LEPR: variants seen among roughly 807,000 people sequenced by gnomAD.
LEPR encodes leptin receptor.
A neutral mutation model predicts 114.7 loss-of-function variants in LEPR; 56 were observed. The observed-to-expected ratio is 0.49, with a 90% CI of 0.39 to 0.61. LEPR has a LOEUF of 0.61. Among genes scored for constraint, LEPR ranks in the 20% least tolerant of loss-of-function variants. LEPR has a pLI of 0.00. For missense variants in LEPR, 1,202 were observed against 1,352.9 expected (o/e 0.89, Z 1.75); for synonymous variants, 443 against 461.4 (o/e 0.96, Z 0.51).
At chr1:65,432,895 C>A in intron 2 of LEPR, 1 of 869,206 alleles carries the variant, frequency 1.2e-6, no homozygotes, top group Non-Finnish European at 1.4e-6. Context: ...ATCATAAAAC[C>A]GTATTGTACC....
At chr1:65,603,018 C>T (rs1656546736) in intron 10 of LEPR, among the ~76,000 whole-genome samples, 1 of 152,108 alleles carries the variant, frequency 6.6e-6, no homozygotes, top group Non-Finnish European at 1.5e-5. Flanking sequence ...CCTTGTTTCT[C>T]TTATTAACAT....
intron 19 of LEPR, chr1:65,626,220 G>A (rs1446782450): frequency 1.3e-6 from 2 of 1,582,918 alleles, no homozygotes; most frequent in East Asian, 4.5e-5. Flanking sequence ...TGCTCTCCCT[G>A]AGGTGTGCAC....
chr1:65,472,723 G>C (rs949414171), intron 2 of LEPR, among the ~76,000 whole-genome samples: 19 of 152,078 alleles, frequency 1.2e-4, no homozygotes, highest in African/African-American at 4.1e-4. Context: ...TACATGAAGA[G>C]TGTGCACCAA....
intron 2 of LEPR, among the ~76,000 whole-genome samples, chr1:65,528,048 T>C (rs1335480000): frequency 6.6e-6 from 1 of 151,854 alleles, no homozygotes; most frequent in Non-Finnish European, 1.5e-5. Flanking sequence ...AGCAATTTAC[T>C]GAGAAAAAAG....
chr1:65,434,518 G>C, intron 2 of LEPR: 1 of 985,092 alleles, frequency 1.0e-6, no homozygotes, highest in Non-Finnish European at 1.2e-6. Flanking sequence ...TGGTGATTGA[G>C]TTCCCAGGCC....
At chr1:65,535,376 A>AT (rs1289678549) in intron 2 of LEPR, among the ~76,000 whole-genome samples, 2 of 150,636 alleles carry the variant, frequency 1.3e-5, no homozygotes, top group Non-Finnish European at 3.0e-5. Context: ...GGGAGAAAAT[A>AT]TTTTTTTAAG....
In LEPR at chr1:65,615,997, AT is replaced by A; in HGVS notation, c.1996-8del. 6.2e-7 allele frequency: 1 copy of A among 1,614,036 alleles called. No homozygotes were observed. Among genetic ancestry groups the A allele is most frequent in the Non-Finnish European group, 8.5e-7 (1 of 1,179,958 alleles). ...AGCCCTTAAACTAATCAATTTCTAT[AT>A]TTACTACAGCCCCTGATGAAAAATG... On this transcript the variant is annotated splice_polypyrimidine_tract_variant and intron_variant, in intron 14 of 19. Coordinates refer to ENST00000349533, the MANE Select transcript of LEPR (RefSeq NM_002303.6).
intron 2 of LEPR, among the ~76,000 whole-genome samples, chr1:65,535,808 C>G (rs557465819): frequency 1.3e-5 from 2 of 152,192 alleles, no homozygotes; most frequent in East Asian, 3.9e-4. Flanking sequence ...TACCGATGCT[C>G]TTTGGCTGAT....
chr1:65,591,447 A>G (rs766949204), intron 5 of LEPR, among the ~76,000 whole-genome samples: 7 of 152,086 alleles, frequency 4.6e-5, no homozygotes, highest in South Asian at 2.1e-4. Flanking sequence ...ATTGTGGATT[A>G]GTCTATTTCT....
chr1:65,433,928 CA>C, intron 2 of LEPR: 2 of 984,906 alleles, frequency 2.0e-6, no homozygotes, highest in Non-Finnish European at 2.4e-6. Flanking sequence ...AGAACAGTAG[CA>C]ATAAGTTTTA....
chr1:65,456,099 CT>C (rs1646870664), intron 2 of LEPR, among the ~76,000 whole-genome samples: 1 of 152,200 alleles, frequency 6.6e-6, no homozygotes, highest in Admixed American at 6.5e-5. Flanking sequence ...TCCCTGACCC[CT>C]TGCGCTTCCC....
Position 65,637,088 on chromosome 1 carries a change from G to A in LEPR, c.*73G>A. 1 of 1,477,164 alleles carries A rather than the reference G, an allele frequency of 6.8e-7. No homozygotes were observed. 91.5% of individuals were successfully genotyped at this position (1,477,164 alleles called of 1,614,324 possible). ...GTGTAATAGATTATAGTTGTGGGTG[G>A]GAGAGAGAAAAGAAACCAGAGTCAA... On this transcript the variant is annotated 3_prime_UTR_variant, in exon 20 of 20. Transcript: ENST00000349533.
In LEPR at chr1:65,431,826, T is replaced by C. The variant is rs756593166; in HGVS notation, c.-21+6448T>C. On this transcript the variant is annotated intron_variant, in intron 2 of 19. Transcript: ENST00000349533. The stretch of plus-strand genomic sequence containing the variant: ...AGATCAAATGGGGAGCCTGCGGCCT[T>C]GTGTTGGCAGGCAATGCAGTCATTT... 19 of 1,613,706 alleles carry C rather than the reference T, an allele frequency of 1.2e-5. No individual in the cohort carries two copies. In the African/African-American group the frequency reaches 2.5e-4, roughly 22 times the overall value.
At position 65,438,113 on chromosome 1, in the gene LEPR, C is replaced by CTTTTT. The variant is rs36053447; in HGVS notation, c.-21+12752_-21+12756dup. 2.7e-4 allele frequency among the ~76,000 whole-genome samples: 24 copies of CTTTTT among 87,750 alleles called. 1 individual carries two copies. Among genetic ancestry groups the CTTTTT allele is most frequent in the South Asian group, 9.4e-4 (2 of 2,136 alleles). 57.6% of individuals were successfully genotyped at this position (87,750 alleles called of 152,430 possible). ...GGTATGGGCCATGGCTCCTAGCCGC[C>CTTTTT]TTTTTTTTTTTTTTTTTTTTTCAAA... On this transcript the variant is annotated intron_variant, in intron 2 of 19. Coordinates refer to ENST00000349533, the MANE Select transcript of LEPR (RefSeq NM_002303.6).
intron 2 of LEPR, among the ~76,000 whole-genome samples, chr1:65,483,314 T>C (rs1275586655): frequency 1.3e-5 from 2 of 152,074 alleles, no homozygotes; most frequent in East Asian, 3.9e-4. Flanking sequence ...TCCTTAGTAA[T>C]CTTGGAAATG....
intron 2 of LEPR, among the ~76,000 whole-genome samples, chr1:65,553,313 C>T (rs1461838940): frequency 1.3e-5 from 2 of 152,144 alleles, no homozygotes; most frequent in Non-Finnish European, 2.9e-5. Context: ...AGAGTGTTTT[C>T]CAACTTGGTT....
At chr1:65,519,254 A>AT (rs1261003672) in intron 2 of LEPR, among the ~76,000 whole-genome samples, 11 of 151,578 alleles carry the variant, frequency 7.3e-5, no homozygotes, top group Non-Finnish European at 1.5e-4. Flanking sequence ...GGCTCAAGAA[A>AT]TTCCCCCACC....
intron 1 of LEPR, among the ~76,000 whole-genome samples, chr1:65,421,072 C>T (rs1646239454): frequency 6.6e-6 from 1 of 152,244 alleles, no homozygotes; most frequent in Non-Finnish European, 1.5e-5. Flanking sequence ...CTTGACGCCA[C>T]CCTAACGCCT....
chr1:65,549,686 G>A (rs1358231336), intron 2 of LEPR, among the ~76,000 whole-genome samples: 1 of 152,064 alleles, frequency 6.6e-6, no homozygotes, highest in Non-Finnish European at 1.5e-5. Context: ...GCACTTCTCT[G>A]TATTGGTTAT....
Sources: gnomAD v4.1 joint callset for allele counts (sites outside exome capture counted in the v4.1 genomes callset) on GRCh38, gnomAD v4.1.1 for gene constraint, MANE v1.5 for transcripts, NCBI Gene and HGNC (gene_info 2026-07-23, HGNC 2026-07-21) for gene names.